Variants in EPB41L5 observed in about 807,000 individuals in gnomAD.
EPB41L5 encodes the protein band 4.1-like protein 5.
EPB41L5 carries 55 observed loss-of-function variants against 106.6 expected under a neutral mutation model. The ratio of observed to expected loss-of-function variants is 0.52; its 90% CI spans 0.42 to 0.65. The LOEUF (loss-of-function observed/expected upper bound fraction) is 0.65. Ranked by LOEUF, EPB41L5 falls within the 30% of genes least tolerant of loss-of-function variation. The pLI is 0.00. For synonymous variants in EPB41L5, 297 were observed against 306.7 expected, an observed-to-expected ratio of 0.97 and a Z score of 0.33; for missense variants, 871 against 882.1, an observed-to-expected ratio of 0.99 and a Z score of 0.16.
intron 10 of EPB41L5, among the ~76,000 whole-genome samples, chr2:120,079,947 C>T (rs1041792940): frequency 1.3e-5 from 2 of 152,142 alleles, no homozygotes; most frequent in African/African-American, 2.4e-5. Context: ...CCCCCGCTAA[C>T]TGCCTAAGTA....
chr2:120,068,816 A>G (rs1439525406), intron 3 of EPB41L5, among the ~76,000 whole-genome samples: 1 of 119,472 alleles, frequency 8.4e-6, no homozygotes, highest in Non-Finnish European at 1.9e-5. Flanking sequence ...TTACCAAGCA[A>G]TTGGAACGTT....
At chr2:120,137,056 A>G (rs1245818026) in intron 18 of EPB41L5, among the ~76,000 whole-genome samples, 2 of 152,122 alleles carry the variant, frequency 1.3e-5, no homozygotes, top group Non-Finnish European at 2.9e-5. Flanking sequence ...ACTAGAAATC[A>G]ATAACAAGAG....
At chr2:120,101,738 T>C (rs1331987385) in intron 16 of EPB41L5, 1 of 152,238 alleles carries the variant, frequency 6.6e-6, no homozygotes, top group Non-Finnish European at 1.5e-5. Flanking sequence ...TTTTCACTGT[T>C]ATTTTGGCTT....
chr2:120,042,772 C>G (rs998631806), intron 3 of EPB41L5, among the ~76,000 whole-genome samples: 1 of 152,030 alleles, frequency 6.6e-6, no homozygotes, highest in Non-Finnish European at 1.5e-5. Flanking sequence ...TATTTACTCT[C>G]AAATAATTGG....
chr2:120,081,039 T>A (rs1682618486), intron 10 of EPB41L5, among the ~76,000 whole-genome samples: 1 of 151,924 alleles, frequency 6.6e-6, no homozygotes, highest in South Asian at 2.1e-4. Context: ...ATTGCAAAAC[T>A]TTTCTCTCAT....
intron 3 of EPB41L5, among the ~76,000 whole-genome samples, chr2:120,051,129 C>A (rs1378191335): frequency 2.6e-5 from 4 of 152,190 alleles, no homozygotes; most frequent in African/African-American, 9.7e-5. Flanking sequence ...GGCAGTCTGT[C>A]CATTCTCAGA....
chr2:120,021,266 G>A (rs1043086679), intron 2 of EPB41L5, among the ~76,000 whole-genome samples: 1 of 152,040 alleles, frequency 6.6e-6, no homozygotes, highest in Admixed American at 6.6e-5. Flanking sequence ...CTTGAACCTG[G>A]GAGGTGGAGA....
intron 3 of EPB41L5, among the ~76,000 whole-genome samples, chr2:120,042,562 T>C (rs1394869633): frequency 6.6e-6 from 1 of 152,176 alleles, no homozygotes; most frequent in Admixed American, 6.5e-5. Context: ...TAAATAGTGG[T>C]ACTTCGACAT....
chr2:120,029,976 G>A (rs1298697349), intron 2 of EPB41L5, among the ~76,000 whole-genome samples: 1 of 152,152 alleles, frequency 6.6e-6, no homozygotes, highest in Admixed American at 6.5e-5. Flanking sequence ...TGAGAATAAG[G>A]TGCTATGAAA....
At chr2:120,144,383 A>G (rs1330379046) in intron 19 of EPB41L5, among the ~76,000 whole-genome samples, 1 of 152,236 alleles carries the variant, frequency 6.6e-6, no homozygotes, top group Non-Finnish European at 1.5e-5. Flanking sequence ...TTTGTTATTT[A>G]TAGGCCACTC....
intron 3 of EPB41L5, among the ~76,000 whole-genome samples, chr2:120,054,953 G>A (rs1362347174): frequency 1.4e-5 from 2 of 145,674 alleles, no homozygotes; most frequent in Non-Finnish European, 3.0e-5. Flanking sequence ...CACGACCTCT[G>A]CCTCCCGGGT....
intron 18 of EPB41L5, among the ~76,000 whole-genome samples, chr2:120,141,531 A>G (rs1686173844): frequency 6.6e-6 from 1 of 152,136 alleles, no homozygotes; most frequent in Non-Finnish European, 1.5e-5. Context: ...AAGAATATGT[A>G]AATGAAGTAT....
At chr2:120,124,797 CT>C (rs1056742184) in intron 16 of EPB41L5, among the ~76,000 whole-genome samples, 2 of 151,596 alleles carry the variant, frequency 1.3e-5, no homozygotes. Context: ...TAACGTTTGA[CT>C]TTTTTTTAAA....
At chr2:120,072,334 G>T (rs1574593302) in intron 3 of EPB41L5, among the ~76,000 whole-genome samples, 1 of 151,174 alleles carries the variant, frequency 6.6e-6, no homozygotes, top group African/African-American at 2.4e-5. Context: ...TTTGGTGGGG[G>T]TGTAAATTGG....
At chr2:120,027,449 T>C (rs1665071) in intron 2 of EPB41L5, among the ~76,000 whole-genome samples, 150,004 of 152,386 alleles carry the variant, frequency 0.98, 73,879 homozygotes, top group East Asian at 1. Flanking sequence ...CCATGTGATT[T>C]CATTCATGTG....
At chr2:120,169,852 C>G (rs1300852884) in intron 24 of EPB41L5, among the ~76,000 whole-genome samples, 2 of 152,142 alleles carry the variant, frequency 1.3e-5, no homozygotes, top group African/African-American at 4.8e-5. Context: ...TTCAAACTAC[C>G]ATGTCACAGT....
intron 4 of EPB41L5, among the ~76,000 whole-genome samples, chr2:120,073,492 A>G (rs903282305): frequency 6.6e-6 from 1 of 152,168 alleles, no homozygotes; most frequent in Non-Finnish European, 1.5e-5. Flanking sequence ...CTTAATGGTT[A>G]TTTTTTAATT....
intron 3 of EPB41L5, among the ~76,000 whole-genome samples, chr2:120,043,576 A>T (rs1012767727): frequency 2.2e-4 from 5 of 22,640 alleles, no homozygotes; most frequent in East Asian, 4.5e-3. Context: ...TTTTTATTTA[A>T]AAAAAAAAAA....
At chr2:120,068,411 C>T (rs1257075206) in intron 3 of EPB41L5, among the ~76,000 whole-genome samples, 2 of 152,208 alleles carry the variant, frequency 1.3e-5, no homozygotes. Context: ...TGGTCTAGCT[C>T]AGTGGATCTC....
Sources: allele counts gnomAD v4.1 joint callset (sites outside exome capture counted in the v4.1 genomes callset), GRCh38; gene constraint gnomAD v4.1.1; transcripts MANE v1.5; gene names NCBI Gene and HGNC (gene_info 2026-07-23, HGNC 2026-07-21).